Variants in SEMA4G observed in about 807,000 individuals in gnomAD.
SEMA4G encodes semaphorin 4G, also known as semaphorin-4G.
A neutral mutation model predicts 81.2 loss-of-function variants in SEMA4G; 59 were observed. That is an observed-to-expected ratio of 0.73 (90% CI 0.59 to 0.90). The LOEUF (loss-of-function observed/expected upper bound fraction) is 0.90, where lower values mean the gene tolerates loss of function less well. SEMA4G is among the 40% of genes least tolerant of loss of function. The pLI, the probability that SEMA4G is intolerant of heterozygous loss-of-function variation, is 0.00. For synonymous variants in SEMA4G, 404 were observed against 433.9 expected (o/e 0.93, Z 0.86); for missense variants, 952 against 1,102.3 (o/e 0.86, Z 1.93).
chr10:100,984,942 ACAC>A (rs1564801730), downstream of SEMA4G: 1 of 1,354,352 alleles, frequency 7.4e-7, no homozygotes, highest in Non-Finnish European at 9.8e-7. Context: ...GTGGTAACAC[ACAC>A]CTGTATCACA....
Position 100,973,729 on chromosome 10 carries a change from A to C in SEMA4G, c.336+120A>C. On this transcript the variant is annotated intron_variant, in intron 3 of 13. Coordinates refer to ENST00000370250, the Ensembl canonical transcript of SEMA4G. The surrounding 1 kb of genome is among the most constrained non-coding windows in gnomAD (Gnocchi z 5.5). ...CCTGCCAGTCAATCTCAGCAACCAC[A>C]GTAAACATTGTAAGTATTGCCAGAG... 1 of 882,174 alleles carries C rather than the reference A, an allele frequency of 1.1e-6. No homozygotes were observed. The highest frequency in any genetic ancestry group is 1.8e-6 in the Non-Finnish European group (1 of 567,062). The allele number at this position is 882,174 out of a possible 1,614,324, so 54.6% of individuals were successfully genotyped here.
At chr10:100,975,170 G>C in intron 3 of SEMA4G, 3 of 412,444 alleles carry the variant, frequency 7.3e-6, no homozygotes, top group Non-Finnish European at 1.5e-5. Context: ...CTGTGACAGT[G>C]AACACCCTCA....
At chr10:100,980,914 C>G in exon 12 of SEMA4G, 2 of 1,612,468 alleles carry the variant, frequency 1.2e-6, no homozygotes, top group Non-Finnish European at 1.7e-6. Flanking sequence ...GCATCTTGGC[C>G]CGAGACCCCT....
At chr10:100,978,006 C>A (rs1850876488) in intron 4 of SEMA4G, 1 of 570,580 alleles carries the variant, frequency 1.8e-6, no homozygotes, top group Non-Finnish European at 3.1e-6. Context: ...GGCCTTGATC[C>A]CCTGGACAGC....
chr10:100,976,599 C>T (rs1005041689), intron 3 of SEMA4G, among the ~76,000 whole-genome samples: 1 of 152,216 alleles, frequency 6.6e-6, no homozygotes, highest in African/African-American at 2.4e-5. Context: ...GCTGGGATTA[C>T]AGGTGTGAGC....
In SEMA4G at chr10:100,981,368, G is replaced by A. The variant is rs952771747; in HGVS notation, c.1690+139G>A. The A allele has an allele frequency of 4.4e-6, 7 of 1,608,022 alleles. No individual in the cohort carries two copies. The African/African-American group carries it at 9.4e-5, about 21-fold the overall frequency. ...AAGGATGACTCAAACACAGAGCCTG[G>A]CACAGAGTAAGTGCTCAACAAACAT... On this transcript the variant is annotated intron_variant, in intron 13 of 13. Coordinates refer to ENST00000370250, the Ensembl canonical transcript of SEMA4G.
chr10:100,984,442 C>A (rs774547564), exon 14 of SEMA4G: 206 of 1,501,708 alleles, frequency 1.4e-4, no homozygotes, highest in Non-Finnish European at 2.9e-5. Flanking sequence ...GTGAGGACTC[C>A]ATCCTCCTGT....
chr10:100,983,326 C>T (rs1341977736), exon 14 of SEMA4G: 22 of 1,565,898 alleles, frequency 1.4e-5, no homozygotes, highest in Non-Finnish European at 1.7e-5. Context: ...CCACTGAAGA[C>T]CCGCTCTGTG....
At chr10:100,983,724 G>A (rs769355889) in exon 14 of SEMA4G, 1 of 1,613,496 alleles carries the variant, frequency 6.2e-7, no homozygotes, top group Non-Finnish European at 8.5e-7. Context: ...TCTGCGGGAA[G>A]GCAGACGAGG....
At chr10:100,972,947 T>C (rs763127413) in exon 1 of SEMA4G, 1 of 1,613,008 alleles carries the variant, frequency 6.2e-7, no homozygotes, top group Non-Finnish European at 8.5e-7. Context: ...CTCCTCAGCA[T>C]CCTCACAGCA....
At chr10:100,983,515 C>T in exon 14 of SEMA4G, 1 of 1,614,180 alleles carries the variant, frequency 6.2e-7, no homozygotes, top group Non-Finnish European at 8.5e-7. Context: ...GGCTGCTATG[C>T]CGAGGAAAAT....
exon 14 of SEMA4G, chr10:100,983,654 C>T (rs1224493460): frequency 2.5e-6 from 4 of 1,613,482 alleles, no homozygotes; most frequent in South Asian, 2.2e-5. Flanking sequence ...ATGTGCTAGC[C>T]ATTGCCGCGC....
chr10:100,983,800 C>G (rs1228303776), exon 14 of SEMA4G: 1 of 1,605,624 alleles, frequency 6.2e-7, no homozygotes, highest in Non-Finnish European at 8.5e-7. Flanking sequence ...CAACTGCAGA[C>G]AGTCTCAGGC....
chr10:100,972,913 A>T (rs1191397762), exon 1 of SEMA4G: 1 of 1,605,228 alleles, frequency 6.2e-7, no homozygotes, highest in Non-Finnish European at 8.5e-7. Flanking sequence ...CCCCAGGAAG[A>T]TGTGGGGGAG....
exon 1 of SEMA4G, chr10:100,972,887 T>G (rs781140045): frequency 6.3e-7 from 1 of 1,587,758 alleles, no homozygotes; most frequent in Non-Finnish European, 8.5e-7. Flanking sequence ...TTTGGGGGTC[T>G]TGTTAGTCTG....
At chr10:100,984,393 C>A (rs1851316321) in exon 14 of SEMA4G, 6 of 1,455,364 alleles carry the variant, frequency 4.1e-6, no homozygotes, top group South Asian at 2.9e-5. Context: ...CCCTGCAGAC[C>A]CAGAGCCAGT....
In SEMA4G at chr10:100,979,036, TGG is replaced by T; in HGVS notation, c.813+21_813+22del. 1 of 1,613,592 alleles carries T rather than the reference TGG, an allele frequency of 6.2e-7. No individual in the cohort carries two copies. Among genetic ancestry groups the T allele is most frequent in the Non-Finnish European group, 8.5e-7 (1 of 1,179,620 alleles). On this transcript the variant is annotated intron_variant, in intron 7 of 13. Coordinates refer to ENST00000370250, the Ensembl canonical transcript of SEMA4G. ...TCTGCAAGGTGGATTGGGCTGACGTTGGGGCACGGGTATAGAGGCTGGACCTC... is the reference window on the plus strand; with the variant it reads ...TCTGCAAGGTGGATTGGGCTGACGTTGGCACGGGTATAGAGGCTGGACCTC...
chr10:100,984,962 C>T, downstream of SEMA4G: 1 of 1,404,778 alleles, frequency 7.1e-7, no homozygotes, highest in East Asian at 2.5e-5. Context: ...CACACATGTG[C>T]TTACATTTCC....
intron 12 of SEMA4G, 68 bp from the exon 14 acceptor site, chr10:100,981,100 A>T: frequency 6.2e-7 from 1 of 1,609,534 alleles, no homozygotes; most frequent in Non-Finnish European, 8.5e-7. Context: ...TAACAGACCT[A>T]TCTACCCTTT....
Sources: allele counts gnomAD v4.1 joint callset (sites outside exome capture counted in the v4.1 genomes callset), GRCh38; gene constraint gnomAD v4.1.1; non-coding constraint Gnocchi (gnomAD v3.1); transcripts MANE v1.5; gene names NCBI Gene and HGNC (gene_info 2026-07-23, HGNC 2026-07-21).